LARGE1: variants seen among roughly 807,000 people sequenced by gnomAD.
The protein encoded by LARGE1 is LARGE xylosyl- and glucuronyltransferase 1.
In LARGE1, 43 loss-of-function variants were observed where a neutral mutation model predicts 87.6. The observed-to-expected ratio is 0.49, with a 90% CI of 0.38 to 0.63. LARGE1 has a LOEUF of 0.63. Ranked by LOEUF, LARGE1 falls within the 30% of genes least tolerant of loss-of-function variation. The probability of loss-of-function intolerance (pLI) is 0.00; values close to 1 mark genes in which losing one functional copy is unlikely to be tolerated. For synonymous variants in LARGE1, 434 were observed against 394.6 expected (o/e 1.10, Z -1.18); for missense variants, 802 against 1,000.2 (o/e 0.80, Z 2.67).
chr22:33,285,624 AAAACAAAC>A (rs57414667), intron 12 of LARGE1, among the ~76,000 whole-genome samples: 1 of 151,516 alleles, frequency 6.6e-6, no homozygotes, highest in South Asian at 2.1e-4. Flanking sequence ...ACCCTGTCAC[AAAACAAAC>A]AAACAAACAA....
At chr22:33,781,868 C>T (rs891271675) in intron 1 of LARGE1, among the ~76,000 whole-genome samples, 2 of 152,000 alleles carry the variant, frequency 1.3e-5, no homozygotes, top group African/African-American at 4.8e-5. Flanking sequence ...ATGCCAGCTC[C>T]GTGGATAACA....
At chr22:33,754,227 G>A (rs2084424146) in intron 2 of LARGE1, among the ~76,000 whole-genome samples, 1 of 152,144 alleles carries the variant, frequency 6.6e-6, no homozygotes, top group South Asian at 2.1e-4. Context: ...TGGGATGCAT[G>A]TGTCACCTGG....
At chr22:33,198,960 C>T (rs1282957976) in intron 11 of LARGE1, among the ~76,000 whole-genome samples, 1 of 152,124 alleles carries the variant, frequency 6.6e-6, no homozygotes, top group African/African-American at 2.4e-5. Context: ...ATATTCCCAC[C>T]AACAGTGTAT....
the LARGE1 span, among the ~76,000 whole-genome samples, chr22:33,085,263 G>A: frequency 5.9e-5 from 9 of 152,206 alleles, no homozygotes; most frequent in Non-Finnish European, 1.2e-4. Flanking sequence ...GTGACAGAGC[G>A]AGACTCCGTC....
intron 1 of LARGE1, among the ~76,000 whole-genome samples, chr22:33,775,366 A>C (rs1382016025): frequency 6.6e-5 from 10 of 152,188 alleles, no homozygotes; most frequent in Admixed American, 5.9e-4. Flanking sequence ...TAATCCAGGA[A>C]CACCACATGG....
At chr22:33,624,921 C>T (rs973042172) in intron 4 of LARGE1, among the ~76,000 whole-genome samples, 9 of 152,272 alleles carry the variant, frequency 5.9e-5, no homozygotes, top group African/African-American at 1.9e-4. Flanking sequence ...GAGGGAGAAT[C>T]GCAAAGCACT....
rs181325525 is a variant in LARGE1 at position 33,404,255 on chromosome 22, G to A, written c.893-19951C>T. ...AGGTAGCATGCCATGCTGATAAGGA[G>A]GAGGAACTTAGGCAGAATTAGCCAC... is the stretch of plus-strand genomic sequence containing the variant. On this transcript the variant is annotated intron_variant, in intron 7 of 14. Coordinates refer to ENST00000397394, the MANE Select transcript of LARGE1 (RefSeq NM_133642.5). Among the ~76,000 whole-genome samples the A allele has an allele frequency of 2.6e-5, 4 of 152,276 alleles. No homozygotes were observed. In the East Asian group the frequency reaches 7.7e-4, roughly 29 times the overall value.
At chr22:33,193,436 A>G (rs2146195946) in intron 11 of LARGE1, among the ~76,000 whole-genome samples, 2 of 152,328 alleles carry the variant, frequency 1.3e-5, no homozygotes, top group South Asian at 4.1e-4. Context: ...TAAAGAAAGA[A>G]GCAGAGATAG....
At chr22:33,486,574 G>A (rs761109855) in intron 6 of LARGE1, among the ~76,000 whole-genome samples, 74 of 152,026 alleles carry the variant, frequency 4.9e-4, no homozygotes, top group Non-Finnish European at 8.7e-4. Flanking sequence ...AAAGACTGAG[G>A]AAATCCATTG....
At chr22:33,871,982 C>CAAAAAAAAAAAAAAAA (rs58105742) in intron 1 of LARGE1, among the ~76,000 whole-genome samples, 29 of 86,694 alleles carry the variant, frequency 3.3e-4, no homozygotes, top group South Asian at 4.2e-4. Context: ...TCTAAATCAG[C>CAAAAAAAAAAAAAAAA]AAAAAAAAAA....
intron 6 of LARGE1, among the ~76,000 whole-genome samples, chr22:33,464,413 A>G (rs535521571): frequency 5.9e-5 from 9 of 152,334 alleles, no homozygotes; most frequent in African/African-American, 2.2e-4. Flanking sequence ...TCAGCACATC[A>G]TAAGACATCA....
At chr22:33,067,478 CTAAG>C in the LARGE1 span, among the ~76,000 whole-genome samples, 1 of 152,122 alleles carries the variant, frequency 6.6e-6, no homozygotes, top group African/African-American at 2.4e-5. Context: ...AGCCTCTCTG[CTAAG>C]TGTTTAACCT....
At chr22:33,855,100 C>T (rs1177684424) in intron 1 of LARGE1, among the ~76,000 whole-genome samples, 3 of 152,054 alleles carry the variant, frequency 2.0e-5, no homozygotes, top group African/African-American at 4.8e-5. Context: ...TTTGGGAGGC[C>T]GAGAAGGGCG....
At chr22:33,877,833 A>T (rs1411872836) in intron 1 of LARGE1, among the ~76,000 whole-genome samples, 1 of 151,878 alleles carries the variant, frequency 6.6e-6, no homozygotes, top group African/African-American at 2.4e-5. Context: ...GAGGCACAAG[A>T]ATCGCTTGAA....
chr22:33,306,526 C>T (rs1934951321), intron 11 of LARGE1, among the ~76,000 whole-genome samples: 1 of 152,210 alleles, frequency 6.6e-6, no homozygotes, highest in South Asian at 2.1e-4. Flanking sequence ...AACCCCTCCC[C>T]TGCCCCGTGA....
At chr22:33,126,626 C>T in the LARGE1 span, among the ~76,000 whole-genome samples, 624 of 152,268 alleles carry the variant, frequency 4.1e-3, 5 homozygotes, top group African/African-American at 0.013. Context: ...AGGCTGTTCA[C>T]CTTCTCTGCA....
At chr22:33,170,734 T>C (rs1922522836) in intron 11 of LARGE1, among the ~76,000 whole-genome samples, 1 of 152,202 alleles carries the variant, frequency 6.6e-6, no homozygotes, top group Admixed American at 6.5e-5. Flanking sequence ...CTTTAAAAAT[T>C]ACCCCATCTT....
intron 1 of LARGE1, among the ~76,000 whole-genome samples, chr22:33,837,716 C>G (rs556603567): frequency 6.6e-6 from 1 of 152,218 alleles, no homozygotes; most frequent in South Asian, 2.1e-4. Flanking sequence ...AGGGCTGAAG[C>G]CTATGGCCAG....
At chr22:33,535,719 G>C (rs1489975546) in intron 6 of LARGE1, among the ~76,000 whole-genome samples, 2 of 152,084 alleles carry the variant, frequency 1.3e-5, no homozygotes, top group African/African-American at 4.8e-5. Context: ...GGGAATACCT[G>C]GAACCTCTCA....
Sources: allele counts gnomAD v4.1 joint callset (sites outside exome capture counted in the v4.1 genomes callset), GRCh38; gene constraint gnomAD v4.1.1; transcripts MANE v1.5; gene names NCBI Gene and HGNC (gene_info 2026-07-23, HGNC 2026-07-21).